Variants in NEK1 observed in about 807,000 individuals in gnomAD.
The protein encoded by NEK1 is serine/threonine-protein kinase Nek1.
NEK1 carries 137 observed loss-of-function variants against 182.1 expected under a neutral mutation model. The ratio of observed to expected loss-of-function variants is 0.75; its 90% CI spans 0.65 to 0.87. The LOEUF (loss-of-function observed/expected upper bound fraction) is 0.87, where lower values mean the gene tolerates loss of function less well. NEK1 is among the 40% of genes least tolerant of loss of function. The pLI, the probability that NEK1 is intolerant of heterozygous loss-of-function variation, is 0.00. For missense variants in NEK1, 1,391 were observed against 1,494.4 expected (o/e 0.93, Z 1.14); for synonymous variants, 513 against 492.2 (o/e 1.04, Z -0.56).
intron 26 of NEK1, among the ~76,000 whole-genome samples, chr4:169,465,983 T>A (rs1744850333): frequency 6.6e-6 from 1 of 151,924 alleles, no homozygotes; most frequent in African/African-American, 2.4e-5. Flanking sequence ...AGAAACAGAA[T>A]ATTAACTATA....
At chr4:169,547,414 T>C (rs1400831737) in intron 18 of NEK1, among the ~76,000 whole-genome samples, 1 of 152,184 alleles carries the variant, frequency 6.6e-6, no homozygotes, top group Non-Finnish European at 1.5e-5. Context: ...CATTTTTTCC[T>C]TCATTTCAAC....
intron 29 of NEK1, among the ~76,000 whole-genome samples, chr4:169,428,873 T>C (rs911428923): frequency 1.3e-5 from 2 of 152,192 alleles, no homozygotes; most frequent in Non-Finnish European, 1.5e-5. Flanking sequence ...GGTTTTTTCA[T>C]TCAATATTAT....
chr4:169,605,324 T>C (rs150627150), intron 2 of NEK1, among the ~76,000 whole-genome samples: 1 of 152,316 alleles, frequency 6.6e-6, no homozygotes, highest in African/African-American at 2.4e-5. Context: ...CTACTGATCC[T>C]GTTAGTAAAG....
intron 8 of NEK1, 54 bp downstream of exon 8, chr4:169,588,595 A>G: frequency 9.6e-7 from 1 of 1,044,638 alleles, no homozygotes; most frequent in South Asian, 1.4e-5. Context: ...AATAAACATG[A>G]CAACAAAAAA....
intron 19 of NEK1, among the ~76,000 whole-genome samples, chr4:169,537,496 A>G (rs183267791): frequency 6.6e-6 from 1 of 151,290 alleles, no homozygotes; most frequent in African/African-American, 2.5e-5. Context: ...GCAATCCAAG[A>G]ACTTATTTCT....
chr4:169,529,705 A>G (rs1484898149), intron 19 of NEK1, among the ~76,000 whole-genome samples: 1 of 152,232 alleles, frequency 6.6e-6, no homozygotes, highest in Non-Finnish European at 1.5e-5. Flanking sequence ...TTCAGAACAT[A>G]TAATAGAACT....
At chr4:169,574,798 A>C (rs1765440890) in intron 12 of NEK1, among the ~76,000 whole-genome samples, 1 of 152,060 alleles carries the variant, frequency 6.6e-6, no homozygotes, top group South Asian at 2.1e-4. Context: ...TAGACCCAAT[A>C]ATATTAAGGG....
At chr4:169,395,858 C>T (rs1033615258) in intron 35 of NEK1, among the ~76,000 whole-genome samples, 18 of 152,050 alleles carry the variant, frequency 1.2e-4, no homozygotes, top group South Asian at 2.1e-4. Context: ...ATTTTTATTA[C>T]GTACATGCAC....
chr4:169,489,841 A>T (rs750629087), intron 23 of NEK1, among the ~76,000 whole-genome samples: 6 of 152,138 alleles, frequency 3.9e-5, no homozygotes, highest in Non-Finnish European at 7.4e-5. Flanking sequence ...CCTGGGCCCA[A>T]GCTACTGGGG....
chr4:169,547,384 T>C (rs1206061384), intron 18 of NEK1, among the ~76,000 whole-genome samples: 1 of 152,192 alleles, frequency 6.6e-6, no homozygotes, highest in Non-Finnish European at 1.5e-5. Flanking sequence ...AACCTGACCT[T>C]TCTCTCTGGT....
rs750171629 is a variant in NEK1 at position 169,551,127 on chromosome 4, CA to C, written c.1562+4592del. ...GTTTGTCATTACCCTATTGTTTAAA[CA>C]GTGCAGAATACAGTGAAAACTTCAT... On this transcript the variant is annotated intron_variant, in intron 18 of 35. Coordinates refer to ENST00000507142, the MANE Select transcript of NEK1 (RefSeq NM_001199397.3). 8.1e-4 allele frequency among the ~76,000 whole-genome samples: 124 copies of C among 152,246 alleles called. 1 individual carries two copies. Among genetic ancestry groups the C allele is most frequent in the Non-Finnish European group, 1.6e-3 (110 of 68,012 alleles).
chr4:169,445,028 G>A (rs764945703), intron 27 of NEK1, among the ~76,000 whole-genome samples: 4 of 152,104 alleles, frequency 2.6e-5, no homozygotes, highest in Non-Finnish European at 5.9e-5. Flanking sequence ...AATTAAGAAG[G>A]AAATAAATGG....
intron 27 of NEK1, among the ~76,000 whole-genome samples, chr4:169,452,683 T>C (rs1742056046): frequency 6.6e-6 from 1 of 152,146 alleles, no homozygotes; most frequent in East Asian, 1.9e-4. Flanking sequence ...AAGAACTATT[T>C]ATGACAAACC....
At chr4:169,552,286 A>G (rs1256585681) in intron 18 of NEK1, among the ~76,000 whole-genome samples, 1 of 152,076 alleles carries the variant, frequency 6.6e-6, no homozygotes, top group Non-Finnish European at 1.5e-5. Flanking sequence ...CTGTTTCAAC[A>G]TCTGAAGATC....
At chr4:169,448,867 G>A (rs942360624) in intron 27 of NEK1, among the ~76,000 whole-genome samples, 5 of 152,234 alleles carry the variant, frequency 3.3e-5, no homozygotes, top group Non-Finnish European at 4.4e-5. Context: ...CCTCACCTGG[G>A]AAGCGCAATG....
chr4:169,563,860 TCTG>T (rs1763298737), intron 12 of NEK1, among the ~76,000 whole-genome samples: 5 of 152,234 alleles, frequency 3.3e-5, no homozygotes, highest in Admixed American at 2.0e-4. Flanking sequence ...TCTTCTCTAA[TCTG>T]CTAATGCAGT....
chr4:169,400,727 T>TTAGG, intron 33 of NEK1, 76 bp from the exon 34 acceptor site: 1 of 1,056,598 alleles, frequency 9.5e-7, no homozygotes, highest in Non-Finnish European at 1.3e-6. Context: ...TAAAATTCTA[T>TTAGG]GACAAATGAA....
chr4:169,501,939 G>A (rs1236144678), intron 23 of NEK1, among the ~76,000 whole-genome samples: 1 of 151,602 alleles, frequency 6.6e-6, no homozygotes, highest in East Asian at 1.9e-4. Context: ...AACAGCCATA[G>A]AAAAGATCAA....
intron 28 of NEK1, among the ~76,000 whole-genome samples, chr4:169,437,381 G>T (rs938456381): frequency 2.6e-5 from 4 of 152,104 alleles, no homozygotes; most frequent in Non-Finnish European, 4.4e-5. Flanking sequence ...AGTGTATTTT[G>T]CATATGGGAG....
Sources: gnomAD v4.1 joint callset for allele counts (sites outside exome capture counted in the v4.1 genomes callset) on GRCh38, gnomAD v4.1.1 for gene constraint, MANE v1.5 for transcripts, NCBI Gene and HGNC (gene_info 2026-07-23, HGNC 2026-07-21) for gene names.